Variants in SMAD5 observed in about 807,000 individuals in gnomAD.
The protein encoded by SMAD5 is SMAD family member 5.
In SMAD5, 9 loss-of-function variants were observed where a neutral mutation model predicts 43.1. The observed-to-expected ratio is 0.21, with a 90% CI of 0.13 to 0.36. The LOEUF (loss-of-function observed/expected upper bound fraction) is 0.36, where lower values mean the gene tolerates loss of function less well. SMAD5 is among the 10% of genes least tolerant of loss of function. The pLI is 1.00. For missense variants in SMAD5, 348 were observed against 574.0 expected, an observed-to-expected ratio of 0.61 and a Z score of 4.02; for synonymous variants, 190 against 192.4, an observed-to-expected ratio of 0.99 and a Z score of 0.10.
At chr5:136,174,069 GTT>G (rs374435491) in intron 6 of SMAD5, among the ~76,000 whole-genome samples, 2 of 143,318 alleles carry the variant, frequency 1.4e-5, no homozygotes. Context: ...ATGATTTGGG[GTT>G]TTTTTTTTTT....
chr5:136,176,761 ATATCT>A (rs879705637), intron 7 of SMAD5, among the ~76,000 whole-genome samples: 1 of 150,844 alleles, frequency 6.6e-6, no homozygotes, highest in African/African-American at 2.4e-5. Flanking sequence ...TCTGCACATT[ATATCT>A]TATAATACAG....
At chr5:136,158,364 T>C (rs1271252247) in intron 3 of SMAD5, among the ~76,000 whole-genome samples, 1 of 152,116 alleles carries the variant, frequency 6.6e-6, no homozygotes, top group Non-Finnish European at 1.5e-5. Flanking sequence ...TTCTGGATTC[T>C]AGAAGAAAGT....
intron 5 of SMAD5, among the ~76,000 whole-genome samples, chr5:136,165,662 ATTTTTTTTTTTTTTTTTTT>A (rs58156387): frequency 4.6e-4 from 30 of 65,450 alleles, no homozygotes; most frequent in South Asian, 4.5e-3. Flanking sequence ...GAATCATACA[ATTTTTTTTTTTTTTTTTTT>A]TTTTTTTTTT....
intron 1 of SMAD5, among the ~76,000 whole-genome samples, chr5:136,145,854 A>G (rs1190516979): frequency 6.6e-6 from 1 of 151,938 alleles, no homozygotes; most frequent in Non-Finnish European, 1.5e-5. Flanking sequence ...CCGGTGCTGT[A>G]GTTCCTCATC....
chr5:136,142,404 A>T (rs1753114814), intron 1 of SMAD5, among the ~76,000 whole-genome samples: 1 of 152,104 alleles, frequency 6.6e-6, no homozygotes, highest in South Asian at 2.1e-4. Flanking sequence ...GTTTTCATTT[A>T]TGGCTGAGGT....
At chr5:136,160,005 C>T (rs1442717385) in intron 3 of SMAD5, among the ~76,000 whole-genome samples, 2 of 152,176 alleles carry the variant, frequency 1.3e-5, no homozygotes, top group East Asian at 3.8e-4. Context: ...TTTGAAGAAT[C>T]AGGTTTGTTT....
rs1754671807 is a variant in SMAD5 at position 136,182,594 on chromosome 5, A to G, written c.*5114A>G. ...TTGTAGAAGCTGAAATTCTAGCAAC[A>G]TGCTTCAATTCTGTTATTTTGATAC... On this transcript the variant is annotated 3_prime_UTR_variant, in exon 8 of 8. Transcript: ENST00000545279. 1 of 152,678 alleles carries G rather than the reference A, an allele frequency of 6.5e-6. No homozygotes were observed. The highest frequency in any genetic ancestry group is 1.9e-4 in the East Asian group (1 of 5,204). The allele number at this position is 152,678 out of a possible 1,614,324, so 9.5% of individuals were successfully genotyped here.
chr5:136,181,119 T>G lies in SMAD5; in HGVS notation c.*3639T>G, dbSNP rs1159305367. On this transcript the variant is annotated 3_prime_UTR_variant, in exon 8 of 8. Transcript: ENST00000545279. Reference sequence around the variant, plus strand: ...GATAGAGAACATCTGATGTACCAATTTAGATCTATTTCTTTATACTTTTTC... The same window carrying G: ...GATAGAGAACATCTGATGTACCAATGTAGATCTATTTCTTTATACTTTTTC... The G allele has an allele frequency of 6.6e-6, 1 of 152,118 alleles. No individual in the cohort carries two copies. Among genetic ancestry groups the G allele is most frequent in the East Asian group, 1.9e-4 (1 of 5,204 alleles). 9.4% of individuals were successfully genotyped at this position (152,118 alleles called of 1,614,324 possible).
intron 3 of SMAD5, among the ~76,000 whole-genome samples, chr5:136,155,927 G>A (rs1236205426): frequency 6.6e-6 from 1 of 152,168 alleles, no homozygotes; most frequent in Non-Finnish European, 1.5e-5. Flanking sequence ...CTAGCTGAGT[G>A]CATTAGTCAT....
chr5:136,146,439 C>T (rs963321628), intron 1 of SMAD5, among the ~76,000 whole-genome samples: 8 of 151,510 alleles, frequency 5.3e-5, no homozygotes, highest in Admixed American at 1.3e-4. Flanking sequence ...TTTCTAAATT[C>T]GTTTTATTTA....
chr5:136,182,310 T>C lies in SMAD5; in HGVS notation c.*4830T>C, dbSNP rs1754657191. ...AGATGATGTTGCATTGATTTATTCA[T>C]AAAGTATTTTAACTATAGGAACTCT... is the stretch of plus-strand genomic sequence containing the variant. On this transcript the variant is annotated 3_prime_UTR_variant, in exon 8 of 8. Coordinates refer to ENST00000545279, the MANE Select transcript of SMAD5 (RefSeq NM_005903.7). 6.6e-6 allele frequency: 1 copy of C among 152,134 alleles called. No homozygotes were observed. The highest frequency in any genetic ancestry group is 6.5e-5 in the Admixed American group (1 of 15,276). The allele number at this position is 152,134 out of a possible 1,614,324, so 9.4% of individuals were successfully genotyped here. A position where few individuals can be genotyped will look rare whatever the true frequency, so the allele number is the denominator to read the frequency against.
At chr5:136,150,243 C>G (rs1025043408) in intron 2 of SMAD5, among the ~76,000 whole-genome samples, 8 of 151,702 alleles carry the variant, frequency 5.3e-5, no homozygotes, top group African/African-American at 1.9e-4. Context: ...ATGACCTTTT[C>G]CCAGTGGAGT....
chr5:136,177,745 G>T lies in SMAD5; in HGVS notation c.*265G>T. 3.0e-6 allele frequency: 1 copy of T among 331,812 alleles called. No individual in the cohort carries two copies. Among genetic ancestry groups the T allele is most frequent in the Non-Finnish European group, 5.4e-6 (1 of 183,608 alleles). The allele number at this position is 331,812 out of a possible 1,614,324, so 20.6% of individuals were successfully genotyped here. On this transcript the variant is annotated 3_prime_UTR_variant, in exon 8 of 8. Transcript: ENST00000545279. ...AGAAATTTGGCATTGATCTTAAACT[G>T]GAACATGCTTTTACTTTATTGCCCT...
chr5:136,166,039 C>G (rs1753999255), intron 5 of SMAD5, among the ~76,000 whole-genome samples: 1 of 152,082 alleles, frequency 6.6e-6, no homozygotes, highest in Non-Finnish European at 1.5e-5. Context: ...ATATTCTCAG[C>G]AACAGTGCAC....
At chr5:136,134,241 G>A (rs1752797506) in intron 1 of SMAD5, 1 of 152,572 alleles carries the variant, frequency 6.6e-6, no homozygotes, top group Non-Finnish European at 1.5e-5. Flanking sequence ...TGGAGGTCGT[G>A]GCTTGGCCTC....
At chr5:136,145,131 TCATAA>T (rs1242641825) in intron 1 of SMAD5, among the ~76,000 whole-genome samples, 2 of 151,302 alleles carry the variant, frequency 1.3e-5, no homozygotes, top group Non-Finnish European at 3.0e-5. Flanking sequence ...TTTTTTCACC[TCATAA>T]CATAACATTA....
At chr5:136,149,496 T>A (rs1336392290) in intron 2 of SMAD5, among the ~76,000 whole-genome samples, 1 of 151,598 alleles carries the variant, frequency 6.6e-6, no homozygotes, top group Non-Finnish European at 1.5e-5. Context: ...TTTTTTTTTT[T>A]AAGTGTAGCC....
At position 136,153,703 on chromosome 5, in the gene SMAD5, G is replaced by T; in HGVS notation, c.-58G>T. 3 of 1,457,624 alleles carry T rather than the reference G, an allele frequency of 2.1e-6. No homozygotes were observed. The highest frequency in any genetic ancestry group is 1.9e-6 in the Non-Finnish European group (2 of 1,067,068). 90.3% of individuals were successfully genotyped at this position (1,457,624 alleles called of 1,614,324 possible). ...GTGTATGACGTTTCACCTGTGATCT[G>T]TTCTTTCGGTAGCCACTGACTTTGA... On this transcript the variant is annotated 5_prime_UTR_variant, in exon 3 of 8. Transcript: ENST00000545279.
intron 7 of SMAD5, among the ~76,000 whole-genome samples, 179 bp from the exon 8 acceptor site, chr5:136,177,158 T>C (rs913304768): frequency 2.0e-5 from 3 of 152,208 alleles, no homozygotes; most frequent in Non-Finnish European, 4.4e-5. Flanking sequence ...TTAAATAATG[T>C]AGCTGTTGTC....
Sources: allele counts gnomAD v4.1 joint callset (sites outside exome capture counted in the v4.1 genomes callset), GRCh38; gene constraint gnomAD v4.1.1; transcripts MANE v1.5; gene names NCBI Gene and HGNC (gene_info 2026-07-23, HGNC 2026-07-21).